Variants in SYMPK observed in about 807,000 individuals in gnomAD.
SYMPK encodes the protein symplekin scaffold protein.
SYMPK carries 49 observed loss-of-function variants against 136.4 expected under a neutral mutation model. That is an observed-to-expected ratio of 0.36 (90% CI 0.29 to 0.46). The LOEUF is 0.46. Among genes scored for constraint, SYMPK ranks in the 20% least tolerant of loss-of-function variants. SYMPK has a pLI of 1.00. For missense variants in SYMPK, 1,365 were observed against 1,690.0 expected (o/e 0.81, Z 3.37); for synonymous variants, 766 against 713.0 (o/e 1.07, Z -1.19).
chr19:45,856,182 C>T (rs1273090507), intron 1 of SYMPK, among the ~76,000 whole-genome samples: 1 of 151,752 alleles, frequency 6.6e-6, no homozygotes, highest in African/African-American at 2.4e-5. Context: ...GGTGAAACCC[C>T]ATCTCTAGTA....
chr19:45,857,495 CT>C (rs1345532639), intron 1 of SYMPK, among the ~76,000 whole-genome samples: 1 of 145,544 alleles, frequency 6.9e-6, no homozygotes, highest in Non-Finnish European at 1.5e-5. Flanking sequence ...GAAAATGATA[CT>C]TTTTTCTTTT....
chr19:45,818,367 C>T (rs989036479), intron 22 of SYMPK, among the ~76,000 whole-genome samples: 1 of 152,200 alleles, frequency 6.6e-6, no homozygotes, highest in African/African-American at 2.4e-5. Context: ...AGAAGACATC[C>T]AACTCCAGGA....
Position 45,828,984 on chromosome 19 carries a change from T to C in SYMPK, c.1971A>G (p.Pro657=). Residue 657 remains proline, a synonymous_variant, in exon 14 of 27, where the codon CCA becomes CCG. Transcript: ENST00000245934. The stretch of plus-strand genomic sequence containing the variant: ...AGCCCCCTCACCCATCCTTCTGGTC[T>C]GGTTTCTCCTGCAGGCCAGACAACA... The part of the protein sequence containing the change: ...IRLLSGLQEK[P]DQKDGIFTKV... 6.2e-7 allele frequency: 1 copy of C among 1,614,160 alleles called. No individual in the cohort carries two copies. The highest frequency in any genetic ancestry group is 8.5e-7 in the Non-Finnish European group (1 of 1,180,020).
At chr19:45,852,412 C>A in intron 4 of SYMPK, 27 bp from the exon 5 acceptor site, 2 of 1,614,178 alleles carry the variant, frequency 1.2e-6, no homozygotes, top group Non-Finnish European at 1.7e-6. Flanking sequence ...GAAAGTGGAT[C>A]AGGGCTACAC....
intron 24 of SYMPK, 64 bp downstream of exon 24, chr19:45,816,734 C>T: frequency 6.8e-7 from 1 of 1,480,764 alleles, no homozygotes; most frequent in Non-Finnish European, 9.0e-7. Flanking sequence ...CAGAGGGACC[C>T]AGGGGGCCGC....
intron 14 of SYMPK, 70 bp downstream of exon 14, chr19:45,828,900 C>A: frequency 6.7e-7 from 1 of 1,493,568 alleles, no homozygotes; most frequent in Non-Finnish European, 9.2e-7. Context: ...TGGTCGCAAT[C>A]AGAAAGGGAG....
chr19:45,822,363 C>A (rs1970929490), intron 21 of SYMPK, among the ~76,000 whole-genome samples: 1 of 152,044 alleles, frequency 6.6e-6, no homozygotes. Context: ...TGTGATCCGC[C>A]CGCCTCGCCT....
chr19:45,818,088 C>A lies in SYMPK; in HGVS notation c.2952G>T (p.Val984=), dbSNP rs1273240457. 6.4e-7 allele frequency: 1 copy of A among 1,558,590 alleles called. No individual in the cohort carries two copies. Among genetic ancestry groups the A allele is most frequent in the Non-Finnish European group, 8.7e-7 (1 of 1,151,200 alleles). ...NVYTSEVLAV[V]MQQLMEQSPL... Reference sequence around the variant, plus strand: ...GGCTCTGCTCCATCAGCTGCTGCATCACCACGGCCAGCACCTCTGACGTGT... The same window carrying A: ...GGCTCTGCTCCATCAGCTGCTGCATAACCACGGCCAGCACCTCTGACGTGT... Residue 984 remains valine, a synonymous_variant, in exon 23 of 27, where the codon GTG becomes GTT. Transcript: ENST00000245934.
chr19:45,821,446 T>A lies in SYMPK; in HGVS notation c.2831A>T (p.Glu944Val). ...AATGTTGTGTAATGCGATCAGGAGC[T>A]CTCCAGGGTTCAGCGGGGACAAGGC... ...NSALSPLNPG[E>V]LLIALHNIDS... The change falls in exon 22 of 27, where the codon GAG becomes GTG. Residue 944 changes from glutamate (E) to valine (V), a missense_variant. Glu to Val is a moderately radical substitution (Grantham distance 121). Around this residue, in one of 11 missense-constraint regions of SYMPK, gnomAD observed 156 missense variants for 217.8 expected, o/e 0.72. Coordinates refer to ENST00000245934, the MANE Select transcript of SYMPK (RefSeq NM_004819.3). This position sits in a 1 kb window ranked among gnomAD's most constrained non-coding sequence, Gnocchi z 4.4. The A allele has an allele frequency of 6.2e-7, 1 of 1,613,720 alleles. No homozygotes were observed. Among genetic ancestry groups the A allele is most frequent in the East Asian group, 2.2e-5 (1 of 44,832 alleles).
At chr19:45,841,440 GCAC>G (rs1270903287) in intron 9 of SYMPK, among the ~76,000 whole-genome samples, 1 of 152,034 alleles carries the variant, frequency 6.6e-6, no homozygotes, top group Non-Finnish European at 1.5e-5. Context: ...TTACAGGCAT[GCAC>G]CACTACACCC....
intron 1 of SYMPK, among the ~76,000 whole-genome samples, chr19:45,857,023 T>C (rs922397579): frequency 2.0e-5 from 3 of 150,132 alleles, no homozygotes; most frequent in Admixed American, 6.6e-5. Flanking sequence ...GAGGCTGAGG[T>C]GGGAGAATCA....
intron 1 of SYMPK, chr19:45,862,093 T>G (rs1212258366): frequency 1.3e-5 from 2 of 152,200 alleles, no homozygotes; most frequent in Non-Finnish European, 2.9e-5. Context: ...TTCACTTGTT[T>G]TCCCTTAATA....
intron 4 of SYMPK, 24 bp from the exon 5 acceptor site, chr19:45,852,409 G>A (rs374867977): frequency 6.8e-6 from 11 of 1,614,148 alleles, no homozygotes; most frequent in Non-Finnish European, 8.5e-6. Flanking sequence ...AGAGAAAGTG[G>A]ATCAGGGCTA....
intron 9 of SYMPK, among the ~76,000 whole-genome samples, chr19:45,841,176 G>A (rs1971425661): frequency 6.6e-6 from 1 of 151,922 alleles, no homozygotes; most frequent in Non-Finnish European, 1.5e-5. Flanking sequence ...TAGAGACAGG[G>A]TTTCACCATG....
At chr19:45,825,139 TG>T in intron 18 of SYMPK, 31 bp downstream of exon 18, 1 of 1,600,228 alleles carries the variant, frequency 6.2e-7, no homozygotes, top group South Asian at 1.1e-5. Flanking sequence ...TGCCCGTGGG[TG>T]GGCAGGGCCT....
chr19:45,820,036 C>T (rs1970852527), intron 22 of SYMPK: 1 of 152,434 alleles, frequency 6.6e-6, no homozygotes, highest in Admixed American at 6.5e-5. Context: ...GCCTGTGTGG[C>T]CTCTGGCAAG....
intron 19 of SYMPK, 41 bp from the exon 20 acceptor site, chr19:45,823,513 G>A: frequency 6.3e-7 from 1 of 1,590,134 alleles, no homozygotes; most frequent in Non-Finnish European, 8.6e-7. Context: ...GGAGGCGGAG[G>A]GGAGCGTGGG....
chr19:45,828,139 G>A (rs1378473713), intron 14 of SYMPK: 2 of 523,028 alleles, frequency 3.8e-6, no homozygotes, highest in Non-Finnish European at 6.9e-6. Context: ...CATTTCTTCC[G>A]TTTGTCAAAC....
chr19:45,859,645 T>C (rs910194688), intron 1 of SYMPK, among the ~76,000 whole-genome samples: 11 of 147,288 alleles, frequency 7.5e-5, no homozygotes, highest in African/African-American at 2.3e-4. Flanking sequence ...AAAACAAAAA[T>C]AGGACGGGTA....
Sources: gnomAD v4.1 joint callset for allele counts (sites outside exome capture counted in the v4.1 genomes callset) on GRCh38, gnomAD v4.1.1 for gene constraint, gnomAD v4.1.1 regional missense constraint, Gnocchi (gnomAD v3.1) non-coding constraint, MANE v1.5 for transcripts, NCBI Gene and HGNC (gene_info 2026-07-23, HGNC 2026-07-21) for gene names.